The following USP30 variants were observed in gnomAD, a reference collection of about 807,000 sequenced individuals.
USP30 encodes the protein ubiquitin specific peptidase 30, also known as ubiquitin carboxyl-terminal hydrolase 30.
A neutral mutation model predicts 68.2 loss-of-function variants in USP30; 41 were observed. The observed-to-expected ratio is 0.60, with a 90% CI of 0.47 to 0.78. The LOEUF is 0.78. Among genes scored for constraint, USP30 ranks in the 30% least tolerant of loss-of-function variants. USP30 has a pLI of 0.00. For missense variants in USP30, 522 were observed against 649.4 expected (o/e 0.80, Z 2.13); for synonymous variants, 229 against 253.7 (o/e 0.90, Z 0.93).
At chr12:109,025,754 C>T (rs2040440642) in intron 2 of USP30, among the ~76,000 whole-genome samples, 1 of 152,048 alleles carries the variant, frequency 6.6e-6, no homozygotes, top group Non-Finnish European at 1.5e-5. Context: ...TCACTGCAGC[C>T]TGGACAGTAA....
intron 3 of USP30, among the ~76,000 whole-genome samples, chr12:109,042,677 CT>C (rs2040573267): frequency 6.6e-6 from 1 of 152,148 alleles, no homozygotes; most frequent in Admixed American, 6.6e-5. Flanking sequence ...AGCTTTTCCT[CT>C]AAAATCAGGA....
chr12:109,039,417 C>G (rs915108536), intron 3 of USP30, among the ~76,000 whole-genome samples: 1 of 152,228 alleles, frequency 6.6e-6, no homozygotes, highest in Admixed American at 6.5e-5. Context: ...GGCTTGTGTT[C>G]TAGTCATTTG....
At chr12:109,036,088 AG>A (rs1245916732) in intron 3 of USP30, among the ~76,000 whole-genome samples, 4 of 152,178 alleles carry the variant, frequency 2.6e-5, no homozygotes, top group African/African-American at 9.7e-5. Flanking sequence ...TGAGACCAAG[AG>A]GTTGAGGCTG....
At chr12:109,055,376 A>G (rs1199198204) in intron 1 of USP30, among the ~76,000 whole-genome samples, 2 of 57,862 alleles carry the variant, frequency 3.5e-5, no homozygotes, top group Non-Finnish European at 6.9e-5. Context: ...ACACATATAT[A>G]TACATATATA....
intron 7 of USP30, among the ~76,000 whole-genome samples, chr12:109,080,211 A>G (rs992138254): frequency 3.3e-5 from 5 of 151,994 alleles, no homozygotes; most frequent in Non-Finnish European, 1.5e-5. Flanking sequence ...TCTTCCTGGC[A>G]TTTCCCCTGG....
At chr12:109,069,400 C>T (rs550632993) in intron 4 of USP30, among the ~76,000 whole-genome samples, 5 of 152,324 alleles carry the variant, frequency 3.3e-5, no homozygotes, top group South Asian at 4.1e-4. Flanking sequence ...TCTGGTGTGC[C>T]GTTGGCTAAT....
intron 3 of USP30, among the ~76,000 whole-genome samples, chr12:109,031,007 C>A (rs569325980): frequency 1.8e-4 from 28 of 152,174 alleles, no homozygotes; most frequent in Admixed American, 1.2e-3. Flanking sequence ...GGATGCTGAG[C>A]AAAGGGTATA....
chr12:109,074,222 A>C (rs543699247), intron 7 of USP30, among the ~76,000 whole-genome samples: 2 of 152,168 alleles, frequency 1.3e-5, no homozygotes, highest in Non-Finnish European at 2.9e-5. Flanking sequence ...TCCTTTTATT[A>C]CCAAATAATA....
chr12:109,085,749 C>T lies in USP30; in HGVS notation c.1372C>T (p.Arg458Trp), dbSNP rs1408864147. ...MHSGHFVTYR[R>W]SPPSARNPLS... ...CTCTGGACACTTTGTCACTTACCGA[C>T]GGTCCCCACCTTCTGCCAGGAACCC... Residue 458 changes from arginine to tryptophan, a missense_variant, in exon 13 of 13, where the codon CGG (arginine) becomes TGG (tryptophan). Arg to Trp is a moderately radical substitution (Grantham distance 101). Transcript: ENST00000257548. The T allele has an allele frequency of 3.7e-6, 6 of 1,614,242 alleles. No homozygotes were observed. Among genetic ancestry groups the T allele is most frequent in the African/African-American group, 1.3e-5 (1 of 75,060 alleles).
At chr12:109,053,284 T>C (rs1474256864) in intron 1 of USP30, among the ~76,000 whole-genome samples, 4 of 152,204 alleles carry the variant, frequency 2.6e-5, no homozygotes, top group Non-Finnish European at 5.9e-5. Flanking sequence ...TAGTCTAATA[T>C]GGATCGCCAC....
chr12:109,043,772 T>A (rs889119561), intron 3 of USP30, among the ~76,000 whole-genome samples: 1 of 152,142 alleles, frequency 6.6e-6, no homozygotes, highest in African/African-American at 2.4e-5. Flanking sequence ...AAAGACACTA[T>A]CAAGAGTAAG....
intron 3 of USP30, among the ~76,000 whole-genome samples, chr12:109,039,559 G>T (rs757539260): frequency 6.6e-5 from 10 of 152,030 alleles, no homozygotes; most frequent in Non-Finnish European, 1.2e-4. Flanking sequence ...AACTGATCTA[G>T]TTCCCGAGAA....
In USP30 at chr12:109,086,115, C is replaced by G; in HGVS notation, c.*184C>G. On this transcript the variant is annotated 3_prime_UTR_variant, in exon 13 of 13. Coordinates refer to ENST00000257548, the MANE Select transcript of USP30 (RefSeq NM_032663.5). The stretch of plus-strand genomic sequence containing the variant: ...CACCAAACCAGGCTCCCTGAACAGT[C>G]CTGTTCATGTGTGTAGGTGGTTCTG... The G allele has an allele frequency of 2.6e-6, 2 of 774,880 alleles. No individual in the cohort carries two copies. The highest frequency in any genetic ancestry group is 3.8e-4 in the Middle Eastern group (1 of 2,608). 48.0% of individuals were successfully genotyped at this position (774,880 alleles called of 1,614,324 possible).
At chr12:109,059,771 A>C (rs2041002985) in intron 3 of USP30, among the ~76,000 whole-genome samples, 1 of 152,206 alleles carries the variant, frequency 6.6e-6, no homozygotes, top group African/African-American at 2.4e-5. Context: ...CCTCAGCTCA[A>C]AGTGCTGGGA....
chr12:109,084,881 G>T, intron 11 of USP30, 72 bp from the exon 12 acceptor site: 1 of 1,434,354 alleles, frequency 7.0e-7, no homozygotes, highest in Non-Finnish European at 9.2e-7. Flanking sequence ...TAACTTTCAA[G>T]GTAATCAAAA....
chr12:109,025,044 G>A (rs1258019570), exon 2 of USP30: 1 of 152,240 alleles, frequency 6.6e-6, no homozygotes, highest in Admixed American at 6.5e-5. Flanking sequence ...ATCAGCTAGA[G>A]GCCCAGACAG....
chr12:109,068,408 G>C lies in USP30; in HGVS notation c.480+781G>C, dbSNP rs528167611. Among the ~76,000 whole-genome samples, 4 of 152,326 alleles carry C rather than the reference G, an allele frequency of 2.6e-5. No individual in the cohort carries two copies. In the South Asian group the frequency reaches 6.2e-4, roughly 24 times the overall value. Reference sequence around the variant, plus strand: ...GGGCATCGAGAGACTTTTGGAAAGGGAGCTGGGGAGGCTTTCTAGCACCCC... The same window carrying C: ...GGGCATCGAGAGACTTTTGGAAAGGCAGCTGGGGAGGCTTTCTAGCACCCC... On this transcript the variant is annotated intron_variant, in intron 4 of 12. Transcript: ENST00000257548.
chr12:109,067,265 C>T (rs1179580091), intron 3 of USP30, among the ~76,000 whole-genome samples: 1 of 147,078 alleles, frequency 6.8e-6, no homozygotes, highest in Non-Finnish European at 1.5e-5. Flanking sequence ...AGGCACCCAC[C>T]ACCACGCCCG....
intron 3 of USP30, among the ~76,000 whole-genome samples, chr12:109,058,761 G>T (rs1380341074): frequency 6.6e-6 from 1 of 152,050 alleles, no homozygotes; most frequent in Non-Finnish European, 1.5e-5. Context: ...ATTCACAAAA[G>T]AAGTAATACA....
Sources: allele counts gnomAD v4.1 joint callset (sites outside exome capture counted in the v4.1 genomes callset), GRCh38; gene constraint gnomAD v4.1.1; transcripts MANE v1.5; gene names NCBI Gene and HGNC (gene_info 2026-07-23, HGNC 2026-07-21).